Variants in FAT4 observed in about 807,000 individuals in gnomAD.
FAT4 encodes the protein protocadherin Fat 4.
FAT4 carries 84 observed loss-of-function variants against 303.9 expected under a neutral mutation model. That is an observed-to-expected ratio of 0.28 (90% CI 0.23 to 0.33). The LOEUF is 0.33. Ranked by LOEUF, FAT4 falls within the 10% of genes least tolerant of loss-of-function variation. The pLI is 1.00. For missense variants in FAT4, 6,005 were observed against 6,146.8 expected (o/e 0.98, Z 0.77); for synonymous variants, 2,307 against 2,298.8 (o/e 1.00, Z -0.10).
At chr4:125,394,320 T>C (rs1734083974) in intron 2 of FAT4, among the ~76,000 whole-genome samples, 1 of 152,202 alleles carries the variant, frequency 6.6e-6, no homozygotes, top group Admixed American at 6.5e-5. Context: ...GATTTGTGTT[T>C]TTGCAAAATG....
intron 2 of FAT4, among the ~76,000 whole-genome samples, chr4:125,350,307 A>C (rs919841843): frequency 8.6e-5 from 13 of 151,692 alleles, no homozygotes; most frequent in Non-Finnish European, 3.0e-5. Flanking sequence ...AGGCCATATC[A>C]ATTCAAAGAA....
chr4:125,380,901 T>C (rs895847434), intron 2 of FAT4, among the ~76,000 whole-genome samples: 1 of 152,180 alleles, frequency 6.6e-6, no homozygotes, highest in Admixed American at 6.5e-5. Context: ...AAAACCTAAT[T>C]AGTAGTAAAC....
In FAT4 at chr4:125,319,169, C is replaced by A; in HGVS notation, c.2758C>A (p.Pro920Thr). The change falls in exon 2 of 18, where the codon CCT (proline) becomes ACT (threonine). Residue 920 changes from proline to threonine, a missense_variant. By Grantham distance (38) the Pro-to-Thr change is conservative (BLOSUM62 -1). Coordinates refer to ENST00000394329, the MANE Select transcript of FAT4 (RefSeq NM_001291303.3). ...CATTTTCCAGGCCAAAGCTGTGGACCCTGATGAAGGTGTCAATGGCATGGT... is the reference window on the plus strand; with the variant it reads ...CATTTTCCAGGCCAAAGCTGTGGACACTGATGAAGGTGTCAATGGCATGGT... ...HSIFQAKAVD[P>T]DEGVNGMVLY... The A allele has an allele frequency of 6.2e-7, 1 of 1,613,956 alleles. No homozygotes were observed. Among genetic ancestry groups the A allele is most frequent in the Non-Finnish European group, 8.5e-7 (1 of 1,180,002 alleles).
rs1560630950 is a variant in FAT4, at chr4:125,476,208, A to G, written c.12251A>G (p.Gln4084Arg). Residue 4084 changes from glutamine (Q) to arginine (R), a missense_variant, in exon 13 of 18, where the codon CAA (glutamine) becomes CGA (arginine). Coordinates refer to ENST00000394329, the MANE Select transcript of FAT4 (RefSeq NM_001291303.3). ...SLTVDSCSEN[Q>R]EPGYCTVSNV... ...ACTGTGGACTCCTGTTCTGAGAACC[A>G]AGAGCCAGGATATTGTACTGTCAGT... 6.2e-7 allele frequency: 1 copy of G among 1,604,028 alleles called. No homozygotes were observed. The highest frequency in any genetic ancestry group is 8.5e-7 in the Non-Finnish European group (1 of 1,173,202).
In FAT4 at chr4:125,490,264, C is replaced by A. The variant is rs1727572323; in HGVS notation, c.13448C>A (p.Ala4483Asp). 6.2e-7 allele frequency: 1 copy of A among 1,613,986 alleles called. No homozygotes were observed. Among genetic ancestry groups the A allele is most frequent in the Non-Finnish European group, 8.5e-7 (1 of 1,180,034 alleles). The change falls in exon 18 of 18, where the codon GCT becomes GAT. Residue 4483 changes from alanine to aspartate, a missense_variant. Physicochemically the swap from Ala to Asp is moderately radical, Grantham distance 126. Transcript: ENST00000394329. ...VLCPQGKVCK[A>D]GSPAGHVCVL... Reference sequence around the variant, plus strand: ...TGTCCTCAGGGGAAGGTGTGCAAAGCTGGAAGTCCTGCGGGGCATGTCTGT... The same window carrying A: ...TGTCCTCAGGGGAAGGTGTGCAAAGATGGAAGTCCTGCGGGGCATGTCTGT...
chr4:125,463,551 G>T lies in FAT4; in HGVS notation c.11801-12G>T. 6.6e-7 allele frequency: 1 copy of T among 1,515,092 alleles called. No homozygotes were observed. Among genetic ancestry groups the T allele is most frequent in the Non-Finnish European group, 9.0e-7 (1 of 1,112,306 alleles). 93.9% of individuals were successfully genotyped at this position (1,515,092 alleles called of 1,614,324 possible). A position where few individuals can be genotyped will look rare whatever the true frequency, so the allele number is the denominator to read the frequency against. The stretch of plus-strand genomic sequence containing the variant: ...ATGAGATTTAAAAAAAACTGAATTT[G>T]ATATATTTTAGGGAAAATGTGTGAA... On this transcript the variant is annotated splice_polypyrimidine_tract_variant and intron_variant, in intron 10 of 17. Coordinates refer to ENST00000394329, the MANE Select transcript of FAT4 (RefSeq NM_001291303.3).
In FAT4 at chr4:125,415,042, C is replaced by G. The variant is rs775290400; in HGVS notation, c.6079C>G (p.Pro2027Ala). The G allele has an allele frequency of 1.2e-6, 2 of 1,614,072 alleles. No homozygotes were observed. Among genetic ancestry groups the G allele is most frequent in the East Asian group, 4.5e-5 (2 of 44,866 alleles). Residue 2027 changes from proline (P) to alanine (A), a missense_variant, in exon 6 of 18, where the codon CCA (proline) becomes GCA (alanine). Transcript: ENST00000394329. The stretch of plus-strand genomic sequence containing the variant: ...TCAAGTGCATGACCTGCCACAGATT[C>G]CAGCCTCCAGATTCACAAGCACTGC... ...VVQVHDLPQI[P>A]ASRFTSTAQV...
chr4:125,491,485 T>C lies in FAT4; in HGVS notation c.14669T>C (p.Leu4890Pro). 6.2e-7 allele frequency: 1 copy of C among 1,614,200 alleles called. No homozygotes were observed. Among genetic ancestry groups the C allele is most frequent in the Non-Finnish European group, 8.5e-7 (1 of 1,180,030 alleles). Reference sequence around the variant, plus strand: ...GATGAAGATAATTATGGAGCCAGACTGAAGCCTCGAAGGTACCACGGTCGC... The same window carrying C: ...GATGAAGATAATTATGGAGCCAGACCGAAGCCTCGAAGGTACCACGGTCGC... ...ADDEDNYGAR[L>P]KPRRYHGRRA... Residue 4890 changes from leucine to proline, a missense_variant, in exon 18 of 18, where the codon CTG (leucine) becomes CCG (proline). Physicochemically the swap from Leu to Pro is moderately conservative, Grantham distance 98. Transcript: ENST00000394329.
intron 10 of FAT4, among the ~76,000 whole-genome samples, chr4:125,456,837 T>G (rs1047467505): frequency 6.6e-6 from 1 of 152,176 alleles, no homozygotes; most frequent in East Asian, 1.9e-4. Context: ...CCTCATAGAA[T>G]GATTTTTTAA....
In FAT4 at chr4:125,320,263, A is replaced by C. The variant is rs935188321; in HGVS notation, c.3852A>C (p.Val1284=). The C allele has an allele frequency of 1.2e-6, 2 of 1,614,212 alleles. No homozygotes were observed. The highest frequency in any genetic ancestry group is 3.3e-5 in the Admixed American group (2 of 60,028). Residue 1284 remains valine (V), a synonymous_variant, in exon 2 of 18, where the codon GTA becomes GTC. Transcript: ENST00000394329. ...DYEATPAYSL[V]IQAVDSGTIP... ...AAGCAACACCTGCCTATTCCCTTGTAATTCAAGCAGTGGATTCAGGGACAA... is the reference window on the plus strand; with the variant it reads ...AAGCAACACCTGCCTATTCCCTTGTCATTCAAGCAGTGGATTCAGGGACAA...
intron 9 of FAT4, among the ~76,000 whole-genome samples, chr4:125,447,328 CAGAT>C (rs984096613): frequency 1.9e-4 from 29 of 152,086 alleles, no homozygotes; most frequent in African/African-American, 3.6e-4. Flanking sequence ...AAAAACTTAA[CAGAT>C]AGAGTTAACA....
intron 7 of FAT4, among the ~76,000 whole-genome samples, chr4:125,422,576 G>A (rs773943190): frequency 5.3e-5 from 8 of 152,232 alleles, no homozygotes; most frequent in East Asian, 1.9e-4. Context: ...TTCCCCCTCC[G>A]CTGTGATTGT....
chr4:125,319,681 A>T lies in FAT4; in HGVS notation c.3270A>T (p.Leu1090Phe), dbSNP rs779976909. 3.7e-6 allele frequency: 6 copies of T among 1,614,094 alleles called. No homozygotes were observed. Among genetic ancestry groups the T allele is most frequent in the Non-Finnish European group, 5.1e-6 (6 of 1,179,920 alleles). ...LSATVNVTVI[L>F]EDVNDNRPLF... ...CTACTGTGAATGTTACTGTAATTTT[A>T]GAAGATGTAAATGATAACAGACCTC... Residue 1090 changes from leucine to phenylalanine, a missense_variant, in exon 2 of 18, where the codon TTA becomes TTT. Coordinates refer to ENST00000394329, the MANE Select transcript of FAT4 (RefSeq NM_001291303.3).
intron 17 of FAT4, among the ~76,000 whole-genome samples, 167 bp from the exon 18 acceptor site, chr4:125,489,734 A>G (rs1255381502): frequency 6.6e-6 from 1 of 151,670 alleles, no homozygotes; most frequent in Non-Finnish European, 1.5e-5. Flanking sequence ...TGCACAGCTT[A>G]ATTATCTTTC....
At chr4:125,405,995 C>T (rs748203210) in intron 3 of FAT4, among the ~76,000 whole-genome samples, 2 of 152,028 alleles carry the variant, frequency 1.3e-5, no homozygotes, top group African/African-American at 2.4e-5. Context: ...TTCATTTTCT[C>T]GACTGTTTAC....
Position 125,485,966 on chromosome 4 carries a change from G to GTTA in FAT4, c.12823-1378_12823-1376dup, listed in dbSNP as rs894676674. On this transcript the variant is annotated intron_variant, in intron 16 of 17. Transcript: ENST00000394329. ...TTTAAAAGTGAAGAATTATATAAGT[G>GTTA]TTAAGTACAGTACTGCCAGGGAGAA... Among the ~76,000 whole-genome samples the GTTA allele has an allele frequency of 2.4e-4, 37 of 152,244 alleles. 1 individual carries two copies. Among genetic ancestry groups the GTTA allele is most frequent in the African/African-American group, 8.7e-4 (36 of 41,564 alleles).
At chr4:125,354,502 TAC>T (rs1236219698) in intron 2 of FAT4, among the ~76,000 whole-genome samples, 1 of 151,766 alleles carries the variant, frequency 6.6e-6, no homozygotes, top group Non-Finnish European at 1.5e-5. Context: ...CACTCTGATG[TAC>T]AGTTATAGTG....
chr4:125,483,272 G>A (rs1210458488), intron 16 of FAT4, among the ~76,000 whole-genome samples: 1 of 152,068 alleles, frequency 6.6e-6, no homozygotes, highest in Non-Finnish European at 1.5e-5. Flanking sequence ...AATGGTATTA[G>A]AAGTAAACAA....
At chr4:125,404,651 G>A (rs1003796198) in intron 3 of FAT4, among the ~76,000 whole-genome samples, 4 of 152,056 alleles carry the variant, frequency 2.6e-5, no homozygotes, top group Non-Finnish European at 4.4e-5. Flanking sequence ...CTATAGGCAC[G>A]ATGTTGTACA....
Sources: gnomAD v4.1 joint callset for allele counts (sites outside exome capture counted in the v4.1 genomes callset) on GRCh38, gnomAD v4.1.1 for gene constraint, MANE v1.5 for transcripts, NCBI Gene and HGNC (gene_info 2026-07-23, HGNC 2026-07-21) for gene names.